The following AGBL1 variants were observed in gnomAD, a reference collection of about 807,000 sequenced individuals.
The protein encoded by AGBL1 is cytosolic carboxypeptidase 4.
Under a neutral mutation model 118.9 loss-of-function variants are expected in AGBL1, and 130 were observed. The observed-to-expected ratio is 1.09, with a 90% CI of 0.95 to 1.26. AGBL1 has a LOEUF of 1.26. Among genes scored for constraint, AGBL1 ranks in the 50% most tolerant of loss-of-function variants. The pLI, the probability that AGBL1 is intolerant of heterozygous loss-of-function variation, is 0.00. For synonymous variants in AGBL1, 555 were observed against 478.9 expected, an observed-to-expected ratio of 1.16 and a Z score of -2.08; for missense variants, 1,584 against 1,298.1, an observed-to-expected ratio of 1.22 and a Z score of -3.38.
In AGBL1 at chr15:86,625,363, G is replaced by GC. The variant is rs1491322370; in HGVS notation, c.2995-48909dup. 4.9e-3 allele frequency among the ~76,000 whole-genome samples: 245 copies of GC among 49,690 alleles called. 59 individuals carry two copies. Among genetic ancestry groups the GC allele is most frequent in the Middle Eastern group, 0.04 (2 of 50 alleles). The allele number at this position is 49,690 out of a possible 152,430, so 32.6% of individuals were successfully genotyped here. On this transcript the variant is annotated intron_variant, in intron 21 of 22. Transcript: ENST00000614907. The stretch of plus-strand genomic sequence containing the variant: ...ACAGCCTCCAAGGTAGAAGAAATTA[G>GC]CGTTTTTTTTTTTTTGTTTTTGTTT...
At chr15:86,798,570 A>C (rs533829856) in intron 22 of AGBL1, among the ~76,000 whole-genome samples, 1 of 151,920 alleles carries the variant, frequency 6.6e-6, no homozygotes, top group East Asian at 1.9e-4. Flanking sequence ...TGAACTAGAC[A>C]CTTTACCTGG....
At chr15:86,802,498 G>C (rs1168456936) in intron 22 of AGBL1, among the ~76,000 whole-genome samples, 1 of 152,100 alleles carries the variant, frequency 6.6e-6, no homozygotes, top group Non-Finnish European at 1.5e-5. Context: ...TGCAATGCTG[G>C]AGAGCCCAAT....
intron 21 of AGBL1, among the ~76,000 whole-genome samples, chr15:86,572,749 C>G (rs1056942855): frequency 6.6e-6 from 1 of 152,208 alleles, no homozygotes; most frequent in African/African-American, 2.4e-5. Flanking sequence ...CCACCGCCTG[C>G]GCTTCGCTGC....
chr15:86,905,356 G>C (rs1002304944), intron 22 of AGBL1, among the ~76,000 whole-genome samples: 1 of 152,154 alleles, frequency 6.6e-6, no homozygotes, highest in Non-Finnish European at 1.5e-5. Context: ...TGCACTAATA[G>C]GCAAGGGAGC....
intron 22 of AGBL1, among the ~76,000 whole-genome samples, chr15:86,719,366 C>T (rs532321137): frequency 5.9e-5 from 9 of 152,270 alleles, no homozygotes; most frequent in African/African-American, 2.2e-4. Context: ...AATACCAGCT[C>T]TGAGTAGGCA....
chr15:86,650,269 G>A (rs974351144), intron 21 of AGBL1, among the ~76,000 whole-genome samples: 7 of 152,102 alleles, frequency 4.6e-5, no homozygotes, highest in African/African-American at 2.4e-5. Flanking sequence ...TTATTACTAA[G>A]TATGGCCATG....
intron 1 of AGBL1, among the ~76,000 whole-genome samples, chr15:86,110,990 C>T (rs80035339): frequency 0.015 from 2,225 of 152,288 alleles, 73 homozygotes; most frequent in African/African-American, 0.05. Flanking sequence ...ATGTGACAGG[C>T]CTATCTTTTA....
chr15:86,506,513 T>A (rs539474702), intron 18 of AGBL1, among the ~76,000 whole-genome samples: 8 of 152,108 alleles, frequency 5.3e-5, no homozygotes, highest in Non-Finnish European at 1.0e-4. Context: ...TGCTGCTGAT[T>A]CCTTTTGCCT....
chr15:86,283,434 A>G (rs1190263988), intron 16 of AGBL1, among the ~76,000 whole-genome samples: 1 of 151,088 alleles, frequency 6.6e-6, no homozygotes, highest in Non-Finnish European at 1.5e-5. Flanking sequence ...ACATATACCC[A>G]CTGTGAAAGA....
intron 21 of AGBL1, among the ~76,000 whole-genome samples, chr15:86,625,578 T>A (rs2084875062): frequency 6.6e-6 from 1 of 151,922 alleles, no homozygotes; most frequent in Non-Finnish European, 1.5e-5. Context: ...CATGATGAGA[T>A]GAAAGACACA....
At chr15:86,507,470 G>A (rs554695471) in intron 18 of AGBL1, among the ~76,000 whole-genome samples, 2 of 152,204 alleles carry the variant, frequency 1.3e-5, no homozygotes, top group South Asian at 2.1e-4. Flanking sequence ...AACAAAATAG[G>A]TAAGGTCCGT....
intron 22 of AGBL1, among the ~76,000 whole-genome samples, chr15:86,783,788 C>G (rs949058774): frequency 1.3e-5 from 2 of 152,180 alleles, no homozygotes; most frequent in Admixed American, 6.5e-5. Context: ...TGCCACCACA[C>G]CTGGCTAATT....
At chr15:86,669,453 T>C (rs1382645538) in intron 21 of AGBL1, among the ~76,000 whole-genome samples, 1 of 152,086 alleles carries the variant, frequency 6.6e-6, no homozygotes, top group Non-Finnish European at 1.5e-5. Context: ...ATAACATACG[T>C]TGAATATTAT....
chr15:86,553,895 C>T (rs1055294886), intron 20 of AGBL1, among the ~76,000 whole-genome samples: 1 of 151,654 alleles, frequency 6.6e-6, no homozygotes, highest in African/African-American at 2.4e-5. Context: ...CTGTCTCACT[C>T]TGTCTCCCAG....
chr15:86,225,037 T>C (rs1423959164), intron 6 of AGBL1, 86 bp downstream of exon 6: 6 of 1,323,118 alleles, frequency 4.5e-6, no homozygotes, highest in Admixed American at 2.2e-5. Flanking sequence ...CTGTTTCTTT[T>C]TTTTTTTTTT....
At chr15:86,098,451 A>T (rs999981899) in intron 1 of AGBL1, among the ~76,000 whole-genome samples, 3 of 152,086 alleles carry the variant, frequency 2.0e-5, no homozygotes, top group Non-Finnish European at 4.4e-5. Flanking sequence ...TTTGGGTCTT[A>T]TGTTTAAGTC....
At chr15:86,429,257 C>G (rs968967156) in intron 18 of AGBL1, among the ~76,000 whole-genome samples, 1 of 152,196 alleles carries the variant, frequency 6.6e-6, no homozygotes, top group Non-Finnish European at 1.5e-5. Flanking sequence ...TTAAAACATG[C>G]CAAATGTGGG....
At chr15:86,587,215 G>A (rs568390671) in intron 21 of AGBL1, among the ~76,000 whole-genome samples, 26 of 152,252 alleles carry the variant, frequency 1.7e-4, no homozygotes, top group Non-Finnish European at 2.2e-4. Context: ...ACTGAGGCAC[G>A]GACAGGATGA....
chr15:86,376,390 C>T (rs1439500255), intron 17 of AGBL1, among the ~76,000 whole-genome samples: 4 of 152,174 alleles, frequency 2.6e-5, no homozygotes, highest in Non-Finnish European at 5.9e-5. Context: ...AGTTATTACA[C>T]TCAGTGATAA....
Sources: gnomAD v4.1 joint callset for allele counts (sites outside exome capture counted in the v4.1 genomes callset) on GRCh38, gnomAD v4.1.1 for gene constraint, MANE v1.5 for transcripts, NCBI Gene and HGNC (gene_info 2026-07-23, HGNC 2026-07-21) for gene names.